Variants in DPP10 observed in about 807,000 individuals in gnomAD.
The protein encoded by DPP10 is inactive dipeptidyl peptidase 10.
A neutral mutation model predicts 120.9 loss-of-function variants in DPP10; 33 were observed. That is an observed-to-expected ratio of 0.27 (90% CI 0.21 to 0.37). The LOEUF is 0.37. Ranked by LOEUF, DPP10 falls within the 10% of genes least tolerant of loss-of-function variation. DPP10 has a pLI of 1.00. For missense variants in DPP10, 816 were observed against 942.8 expected (o/e 0.87, Z 1.76); for synonymous variants, 337 against 326.1 (o/e 1.03, Z -0.36).
chr2:115,475,618 C>A (rs2105219232), intron 3 of DPP10, among the ~76,000 whole-genome samples: 1 of 152,256 alleles, frequency 6.6e-6, no homozygotes, highest in South Asian at 2.1e-4. Flanking sequence ...AATGGTAGAT[C>A]CACCAGTAGC....
In DPP10 at chr2:115,309,222, T is replaced by G; in HGVS notation, c.61-17T>G. The G allele has an allele frequency of 6.2e-7, 1 of 1,605,070 alleles. No homozygotes were observed. The highest frequency in any genetic ancestry group is 8.5e-7 in the Non-Finnish European group (1 of 1,174,786). On this transcript the variant is annotated splice_polypyrimidine_tract_variant and intron_variant, in intron 1 of 25. Coordinates refer to ENST00000410059, the MANE Select transcript of DPP10 (RefSeq NM_020868.6). ...GGAGCATGAATAATTACAAAACTTT[T>G]TTTTCTATCTCGGTAGGAACTGGGA...
chr2:115,818,391 A>G (rs2150050624), intron 21 of DPP10, among the ~76,000 whole-genome samples: 1 of 152,380 alleles, frequency 6.6e-6, no homozygotes, highest in East Asian at 1.9e-4. Flanking sequence ...GTAATAATTT[A>G]CAAATGGCTT....
At chr2:115,727,190 C>A (rs935131428) in intron 7 of DPP10, among the ~76,000 whole-genome samples, 1 of 152,066 alleles carries the variant, frequency 6.6e-6, no homozygotes, top group Admixed American at 6.6e-5. Context: ...AATTAAGACT[C>A]TCTCTGGAAC....
At position 115,689,688 on chromosome 2, in the gene DPP10, T is replaced by C. The variant is rs1241710057; in HGVS notation, c.443T>C (p.Ile148Thr). 3.3e-6 allele frequency: 5 copies of C among 1,531,468 alleles called. No homozygotes were observed. The highest frequency in any genetic ancestry group is 4.5e-6 in the Non-Finnish European group (5 of 1,122,368). The allele number at this position is 1,531,468 out of a possible 1,614,324, so 94.9% of individuals were successfully genotyped here. Residue 148 changes from isoleucine (I) to threonine (T), a missense_variant and splice_region_variant, in exon 6 of 26, where the codon ATT (isoleucine) becomes ACT (threonine). Around this residue, in one of 3 missense-constraint regions of DPP10, gnomAD observed 182 missense variants for 207.4 expected, o/e 0.88. Coordinates refer to ENST00000410059, the MANE Select transcript of DPP10 (RefSeq NM_020868.6). The part of the protein sequence containing the change: ...YVLLAYDVKQ[I>T]FHYSYTASYV... ...ATAATGTTTCTTTTTTAATTTCAGA[T>C]TTTTCATTATTCGTATACTGCTTCA...
intron 1 of DPP10, chr2:114,833,818 C>A (rs1260640688): frequency 1.3e-5 from 2 of 152,134 alleles, no homozygotes; most frequent in Non-Finnish European, 2.9e-5. Context: ...ATAGTCAGGG[C>A]AACAGAAAGA....
At chr2:114,900,142 T>C (rs1053033743) in intron 1 of DPP10, among the ~76,000 whole-genome samples, 8 of 152,244 alleles carry the variant, frequency 5.3e-5, no homozygotes, top group Admixed American at 1.3e-4. Flanking sequence ...ATTAACATTT[T>C]TGTGATAGTC....
At chr2:115,559,138 A>G (rs574030234) in intron 5 of DPP10, among the ~76,000 whole-genome samples, 142 of 152,352 alleles carry the variant, frequency 9.3e-4, no homozygotes, top group African/African-American at 3.3e-3. Flanking sequence ...GATTGACTAT[A>G]TATACTATTT....
At chr2:115,649,595 A>G (rs1276328456) in intron 5 of DPP10, among the ~76,000 whole-genome samples, 1 of 152,066 alleles carries the variant, frequency 6.6e-6, no homozygotes, top group Non-Finnish European at 1.5e-5. Context: ...TTTAAAAATA[A>G]TCTTTGGGGT....
intron 1 of DPP10, among the ~76,000 whole-genome samples, chr2:115,258,526 A>T (rs2105731278): frequency 6.6e-6 from 1 of 152,324 alleles, no homozygotes; most frequent in South Asian, 2.1e-4. Context: ...AATTATAATT[A>T]AATTGAAAAT....
At chr2:115,381,286 A>G (rs1655839811) in intron 3 of DPP10, among the ~76,000 whole-genome samples, 1 of 151,814 alleles carries the variant, frequency 6.6e-6, no homozygotes, top group East Asian at 1.9e-4. Flanking sequence ...TTCCCTTCTC[A>G]CTTCATTTCA....
Position 115,070,512 on chromosome 2 carries a change from C to T in DPP10, c.61-238727C>T, listed in dbSNP as rs887722911. Reference sequence around the variant, plus strand: ...AAAATGATAAATTACAATGAAAATGCATGCTGATGTTTTGTCCCTGAATTC... The same window carrying T: ...AAAATGATAAATTACAATGAAAATGTATGCTGATGTTTTGTCCCTGAATTC... On this transcript the variant is annotated intron_variant, in intron 1 of 25. Transcript: ENST00000410059. Among the ~76,000 whole-genome samples the T allele has an allele frequency of 9.4e-4, 143 of 152,228 alleles. 2 individuals carry two copies. The highest frequency in any genetic ancestry group is 3.2e-3 in the African/African-American group (135 of 41,572).
chr2:114,965,964 CAAAAAAAA>C (rs57107624), intron 1 of DPP10, among the ~76,000 whole-genome samples: 2 of 74,808 alleles, frequency 2.7e-5, no homozygotes, highest in Non-Finnish European at 4.8e-5. Context: ...GACTCCTTCT[CAAAAAAAA>C]AAAAAAAAAA....
chr2:114,610,184 A>G (rs1009067478), intron 1 of DPP10, among the ~76,000 whole-genome samples: 3 of 152,140 alleles, frequency 2.0e-5, no homozygotes, highest in South Asian at 2.1e-4. Flanking sequence ...TTTTTCTGGT[A>G]TATATCACAG....
At chr2:115,324,243 T>C (rs1260557166) in intron 2 of DPP10, among the ~76,000 whole-genome samples, 1 of 152,034 alleles carries the variant, frequency 6.6e-6, no homozygotes, top group African/African-American at 2.4e-5. Flanking sequence ...ACCATTACAC[T>C]CCAGCCTGGG....
chr2:114,795,559 T>C (rs1452073187), intron 1 of DPP10, among the ~76,000 whole-genome samples: 1 of 151,810 alleles, frequency 6.6e-6, no homozygotes, highest in Non-Finnish European at 1.5e-5. Context: ...TTAATCTAAG[T>C]ATAGTGCACC....
intron 1 of DPP10, among the ~76,000 whole-genome samples, chr2:114,979,950 A>G (rs1032668611): frequency 9.2e-5 from 14 of 152,088 alleles, no homozygotes; most frequent in Admixed American, 6.5e-4. Context: ...GTCAGTTTCT[A>G]TAGTCTTTTG....
At chr2:114,521,420 T>A (rs1396641521) in intron 1 of DPP10, among the ~76,000 whole-genome samples, 1 of 151,880 alleles carries the variant, frequency 6.6e-6, no homozygotes. Context: ...TCCATGAGCA[T>A]AGAAGGCTTG....
At chr2:114,502,988 T>C (rs183024101) in intron 1 of DPP10, among the ~76,000 whole-genome samples, 1 of 152,316 alleles carries the variant, frequency 6.6e-6, no homozygotes, top group Admixed American at 6.5e-5. Flanking sequence ...TGTGTGTCTG[T>C]GCAAGTGTGC....
At chr2:115,580,910 A>G (rs1414629279) in intron 5 of DPP10, among the ~76,000 whole-genome samples, 1 of 152,174 alleles carries the variant, frequency 6.6e-6, no homozygotes, top group Non-Finnish European at 1.5e-5. Context: ...TGTGTCAGCC[A>G]TACTGAGGCC....
Sources: gnomAD v4.1 joint callset for allele counts (sites outside exome capture counted in the v4.1 genomes callset) on GRCh38, gnomAD v4.1.1 for gene constraint, gnomAD v4.1.1 regional missense constraint, MANE v1.5 for transcripts, NCBI Gene and HGNC (gene_info 2026-07-23, HGNC 2026-07-21) for gene names.